The following TTC27 variants were observed in gnomAD, a reference collection of about 807,000 sequenced individuals.
TTC27 encodes tetratricopeptide repeat protein 27.
TTC27 carries 79 observed loss-of-function variants against 115.9 expected under a neutral mutation model. The ratio of observed to expected loss-of-function variants is 0.68; its 90% confidence interval spans 0.57 to 0.82. TTC27 has a LOEUF of 0.82. Ranked by LOEUF, TTC27 falls within the 40% of genes least tolerant of loss-of-function variation. The probability of loss-of-function intolerance (pLI) is 0.00; values close to 1 mark genes in which losing one functional copy is unlikely to be tolerated. For synonymous variants in TTC27, 401 were observed against 356.0 expected, an observed-to-expected ratio of 1.13 and a Z score of -1.42; for missense variants, 1,054 against 993.1, an observed-to-expected ratio of 1.06 and a Z score of -0.82.
At chr2:32,689,830 A>T (rs1347087044) in intron 9 of TTC27, among the ~76,000 whole-genome samples, 1 of 152,232 alleles carries the variant, frequency 6.6e-6, no homozygotes, top group African/African-American at 2.4e-5. Flanking sequence ...AGAATAGCAT[A>T]GGTAATTGAA....
At chr2:32,708,267 C>CT (rs1309822521) in intron 10 of TTC27, among the ~76,000 whole-genome samples, 4 of 113,396 alleles carry the variant, frequency 3.5e-5, no homozygotes, top group East Asian at 2.7e-4. Flanking sequence ...TATATTTTCT[C>CT]TTTTTTTTCT....
chr2:32,754,927 C>A (rs1293147224), intron 12 of TTC27, among the ~76,000 whole-genome samples: 12 of 151,506 alleles, frequency 7.9e-5, no homozygotes, highest in Non-Finnish European at 1.5e-4. Context: ...CGGGGATGCT[C>A]CTCACTTCCC....
At chr2:32,680,537 A>G (rs1666382158) in intron 9 of TTC27, among the ~76,000 whole-genome samples, 1 of 152,124 alleles carries the variant, frequency 6.6e-6, no homozygotes, top group South Asian at 2.1e-4. Context: ...GGAAGGTCTC[A>G]GTGGGAGGGT....
chr2:32,662,203 A>T (rs1665573743), intron 5 of TTC27, among the ~76,000 whole-genome samples: 1 of 152,188 alleles, frequency 6.6e-6, no homozygotes, highest in Non-Finnish European at 1.5e-5. Flanking sequence ...ATCAATGTTC[A>T]TCAGGGATAT....
chr2:32,779,344 T>C (rs1670099526), intron 14 of TTC27, among the ~76,000 whole-genome samples: 1 of 152,192 alleles, frequency 6.6e-6, no homozygotes, highest in South Asian at 2.1e-4. Flanking sequence ...ATTATATCTG[T>C]TCTAGTGGGT....
At chr2:32,804,407 A>C (rs528916156) in intron 16 of TTC27, among the ~76,000 whole-genome samples, 3 of 152,326 alleles carry the variant, frequency 2.0e-5, no homozygotes, top group African/African-American at 7.2e-5. Flanking sequence ...ATATGCACTA[A>C]AGTGTTTTAT....
chr2:32,666,543 A>G (rs915268010), intron 6 of TTC27, 92 bp from the exon 7 acceptor site: 1 of 1,313,638 alleles, frequency 7.6e-7, no homozygotes, highest in East Asian at 2.5e-5. Flanking sequence ...AATACCTTGT[A>G]AACTCTAAAG....
At chr2:32,726,092 A>G (rs542366784) in intron 10 of TTC27, among the ~76,000 whole-genome samples, 4 of 151,882 alleles carry the variant, frequency 2.6e-5, no homozygotes, top group African/African-American at 9.7e-5. Context: ...CCACAAAACC[A>G]CTCTTTCCTC....
chr2:32,729,817 C>T (rs747994913), intron 10 of TTC27, among the ~76,000 whole-genome samples: 5 of 151,982 alleles, frequency 3.3e-5, no homozygotes, highest in African/African-American at 7.3e-5. Flanking sequence ...GCTTCTTCTC[C>T]CCCTGTCTCC....
chr2:32,783,943 AT>A (rs928681146), intron 15 of TTC27, among the ~76,000 whole-genome samples: 1 of 152,220 alleles, frequency 6.6e-6, no homozygotes, highest in African/African-American at 2.4e-5. Context: ...TTAAATCCAT[AT>A]TACGTAGAGA....
At chr2:32,667,426 T>C (rs1665824107) in intron 7 of TTC27, among the ~76,000 whole-genome samples, 1 of 149,830 alleles carries the variant, frequency 6.7e-6, no homozygotes, top group Non-Finnish European at 1.5e-5. Context: ...TTTTTTTTTT[T>C]TTTTTTTTGA....
At chr2:32,752,422 A>C (rs946867056) in intron 12 of TTC27, among the ~76,000 whole-genome samples, 1 of 152,224 alleles carries the variant, frequency 6.6e-6, no homozygotes, top group Non-Finnish European at 1.5e-5. Flanking sequence ...TTTTGGCCAC[A>C]TTTGAGTCCA....
intron 12 of TTC27, among the ~76,000 whole-genome samples, chr2:32,751,582 A>G (rs3769576): frequency 0.044 from 6,651 of 152,296 alleles, 192 homozygotes; most frequent in East Asian, 0.093. Context: ...TGGGATGGAC[A>G]GACTTTCATT....
rs550140954 is a variant in TTC27 at position 32,710,837 on chromosome 2, G to A, written c.1233+7917G>A. ...GAAACATAGATTTAAAAGAAGGCTG[G>A]GAGCAGTTGCTCACATCTGTAATCC... is the stretch of plus-strand genomic sequence containing the variant. On this transcript the variant is annotated intron_variant, in intron 10 of 19. Transcript: ENST00000317907. 1.1e-4 allele frequency among the ~76,000 whole-genome samples: 17 copies of A among 151,948 alleles called. No homozygotes were observed. In the East Asian group the frequency reaches 3.3e-3, roughly 30 times the overall value.
chr2:32,807,903 G>A (rs1238780512), intron 16 of TTC27, among the ~76,000 whole-genome samples: 7 of 147,816 alleles, frequency 4.7e-5, no homozygotes, highest in African/African-American at 1.7e-4. Context: ...TTTTCAGTTC[G>A]ATGAGTGAGT....
chr2:32,757,785 TG>T (rs1342489256), intron 12 of TTC27, among the ~76,000 whole-genome samples: 1 of 152,170 alleles, frequency 6.6e-6, no homozygotes, highest in Admixed American at 6.5e-5. Flanking sequence ...CTCCACCTCC[TG>T]GGTTCAAGCG....
chr2:32,814,416 G>A (rs1671422272), intron 18 of TTC27, among the ~76,000 whole-genome samples: 1 of 152,170 alleles, frequency 6.6e-6, no homozygotes, highest in African/African-American at 2.4e-5. Context: ...TGGATGCCCA[G>A]CTTTCGTTTC....
chr2:32,694,085 T>TA, intron 9 of TTC27, among the ~76,000 whole-genome samples: 1 of 152,236 alleles, frequency 6.6e-6, no homozygotes, highest in East Asian at 1.9e-4. Context: ...GCTAACTCTC[T>TA]AGTCGTCAGC....
intron 16 of TTC27, among the ~76,000 whole-genome samples, chr2:32,787,986 T>A (rs1470294243): frequency 1.3e-5 from 2 of 152,138 alleles, no homozygotes; most frequent in Non-Finnish European, 2.9e-5. Context: ...TTGAGATAGT[T>A]CTTCCTTTTC....
Sources: allele counts gnomAD v4.1 joint callset (sites outside exome capture counted in the v4.1 genomes callset), GRCh38; gene constraint gnomAD v4.1.1; transcripts MANE v1.5; gene names NCBI Gene and HGNC (gene_info 2026-07-23, HGNC 2026-07-21).